SOX6: variants seen among roughly 807,000 people sequenced by gnomAD.
The protein encoded by SOX6 is SRY-box transcription factor 6.
In SOX6, 11 loss-of-function variants were observed where a neutral mutation model predicts 97.8. That is an observed-to-expected ratio of 0.11 (90% CI 0.07 to 0.19). SOX6 has a LOEUF of 0.19. Among genes scored for constraint, SOX6 ranks in the 10% least tolerant of loss-of-function variants. SOX6 has a pLI of 1.00. For missense variants in SOX6, 810 were observed against 1,039.5 expected (o/e 0.78, Z 3.04); for synonymous variants, 360 against 371.4 (o/e 0.97, Z 0.35).
At chr11:16,253,895 T>C (rs773437176) in intron 3 of SOX6, among the ~76,000 whole-genome samples, 3 of 151,632 alleles carry the variant, frequency 2.0e-5, no homozygotes, top group Non-Finnish European at 4.4e-5. Flanking sequence ...ATGATAAATG[T>C]CCAAAAAAAT....
intron 3 of SOX6, among the ~76,000 whole-genome samples, chr11:16,624,325 C>A (rs1218875977): frequency 2.0e-5 from 3 of 151,848 alleles, no homozygotes; most frequent in Admixed American, 1.3e-4. Context: ...GTAGCTGGGA[C>A]TACAAGTGCG....
intron 1 of SOX6, among the ~76,000 whole-genome samples, chr11:16,361,818 A>G (rs1857217652): frequency 6.6e-6 from 1 of 152,228 alleles, no homozygotes; most frequent in African/African-American, 2.4e-5. Context: ...AAAATTCAGG[A>G]AAAAATATGT....
chr11:16,020,394 A>G (rs955212563), intron 12 of SOX6, among the ~76,000 whole-genome samples: 1 of 151,832 alleles, frequency 6.6e-6, no homozygotes, highest in African/African-American at 2.4e-5. Flanking sequence ...CACACTCTTC[A>G]CAGAGTTCTA....
chr11:16,305,015 G>T (rs151130055), intron 3 of SOX6, among the ~76,000 whole-genome samples: 1 of 151,750 alleles, frequency 6.6e-6, no homozygotes, highest in African/African-American at 2.4e-5. Flanking sequence ...GTTAGGCAAA[G>T]TATTCTTAGA....
At chr11:16,076,911 G>C (rs923121815) in intron 9 of SOX6, among the ~76,000 whole-genome samples, 2 of 151,186 alleles carry the variant, frequency 1.3e-5, no homozygotes, top group Admixed American at 6.6e-5. Flanking sequence ...CCGCCACCGC[G>C]CCCGGCTAAT....
At chr11:16,378,707 C>T (rs1219038261) in intron 1 of SOX6, among the ~76,000 whole-genome samples, 1 of 151,844 alleles carries the variant, frequency 6.6e-6, no homozygotes, top group Admixed American at 6.6e-5. Flanking sequence ...ATAGGAAAGA[C>T]ATTTCTAAAA....
At chr11:16,698,297 C>A (rs1848068705) in intron 3 of SOX6, among the ~76,000 whole-genome samples, 1 of 152,140 alleles carries the variant, frequency 6.6e-6, no homozygotes, top group Non-Finnish European at 1.5e-5. Context: ...AGCTACTTTC[C>A]TTAAACCTCA....
intron 4 of SOX6, among the ~76,000 whole-genome samples, chr11:16,208,275 A>C (rs1208778665): frequency 2.0e-5 from 3 of 152,218 alleles, no homozygotes; most frequent in Non-Finnish European, 4.4e-5. Flanking sequence ...TGTACTCCAA[A>C]AAGCATTTTG....
intron 15 of SOX6, among the ~76,000 whole-genome samples, chr11:15,976,499 A>C (rs2119791445): frequency 6.6e-6 from 1 of 152,258 alleles, no homozygotes; most frequent in South Asian, 2.1e-4. Flanking sequence ...GCTGGTGTAA[A>C]CCTCACAGAG....
chr11:16,734,272 T>C (rs762942954), intron 2 of SOX6, among the ~76,000 whole-genome samples: 2 of 152,120 alleles, frequency 1.3e-5, no homozygotes, highest in Non-Finnish European at 2.9e-5. Context: ...CAAATATGTA[T>C]TTATTTATAC....
intron 3 of SOX6, among the ~76,000 whole-genome samples, chr11:16,696,477 C>T (rs1848054734): frequency 6.6e-6 from 1 of 152,080 alleles, no homozygotes; most frequent in Non-Finnish European, 1.5e-5. Flanking sequence ...AGAGATATTG[C>T]AAGTTTGGTT....
chr11:16,309,480 C>G (rs1285417264), intron 3 of SOX6, among the ~76,000 whole-genome samples: 1 of 151,806 alleles, frequency 6.6e-6, no homozygotes, highest in Non-Finnish European at 1.5e-5. Context: ...TATTTAGCGA[C>G]CGATTGGAAA....
upstream of SOX6, among the ~76,000 whole-genome samples, chr11:16,360,271 C>T (rs1281086888): frequency 6.6e-6 from 1 of 152,130 alleles, no homozygotes. Context: ...TGCACCCTTT[C>T]CACTACATTA....
At chr11:16,169,810 T>C (rs1241397864) in intron 6 of SOX6, among the ~76,000 whole-genome samples, 2 of 152,036 alleles carry the variant, frequency 1.3e-5, no homozygotes, top group African/African-American at 4.8e-5. Context: ...TATTCCATGA[T>C]ATACACCACC....
At chr11:16,158,346 T>C (rs1850655692) in intron 6 of SOX6, among the ~76,000 whole-genome samples, 1 of 151,994 alleles carries the variant, frequency 6.6e-6, no homozygotes, top group Non-Finnish European at 1.5e-5. Flanking sequence ...TCGTAGGGTA[T>C]GACTCCCAGG....
At chr11:16,473,739 A>G (rs1860185682) in intron 1 of SOX6, among the ~76,000 whole-genome samples, 1 of 152,036 alleles carries the variant, frequency 6.6e-6, no homozygotes, top group African/African-American at 2.4e-5. Flanking sequence ...TTTAGTAGAG[A>G]TGGAGTTTCA....
At chr11:16,436,890 C>T (rs933048161) in intron 1 of SOX6, among the ~76,000 whole-genome samples, 3 of 152,084 alleles carry the variant, frequency 2.0e-5, no homozygotes, top group Non-Finnish European at 4.4e-5. Context: ...AAACTATCAT[C>T]TTTTCATGGA....
chr11:16,439,926 C>G (rs1362381708), intron 1 of SOX6, among the ~76,000 whole-genome samples: 1 of 152,168 alleles, frequency 6.6e-6, no homozygotes, highest in Non-Finnish European at 1.5e-5. Context: ...ACTGGTATTT[C>G]TGAAGTGTCT....
At chr11:16,565,847 A>T (rs1218805636) in intron 4 of SOX6, among the ~76,000 whole-genome samples, 1 of 152,136 alleles carries the variant, frequency 6.6e-6, no homozygotes, top group Non-Finnish European at 1.5e-5. Context: ...CTGTAATCCC[A>T]GCACTTTGGG....
Sources: allele counts gnomAD v4.1 joint callset (sites outside exome capture counted in the v4.1 genomes callset), GRCh38; gene constraint gnomAD v4.1.1; transcripts MANE v1.5; gene names NCBI Gene and HGNC (gene_info 2026-07-23, HGNC 2026-07-21).